CNTN5: variants seen among roughly 807,000 people sequenced by gnomAD.
CNTN5 encodes the protein contactin 5.
In CNTN5, 77 loss-of-function variants were observed where a neutral mutation model predicts 129.1. That is an observed-to-expected ratio of 0.60 (90% confidence interval 0.50 to 0.72). The LOEUF (loss-of-function observed/expected upper bound fraction) is 0.72, where lower values mean the gene tolerates loss of function less well. CNTN5 is among the 30% of genes least tolerant of loss of function. The probability of loss-of-function intolerance (pLI) is 0.00; values close to 1 mark genes in which losing one functional copy is unlikely to be tolerated. For synonymous variants in CNTN5, 509 were observed against 465.6 expected, an observed-to-expected ratio of 1.09 and a Z score of -1.20; for missense variants, 1,478 against 1,328.8, an observed-to-expected ratio of 1.11 and a Z score of -1.75.
intron 3 of CNTN5, among the ~76,000 whole-genome samples, chr11:99,789,434 A>G (rs921202995): frequency 5.9e-5 from 9 of 151,980 alleles, no homozygotes; most frequent in African/African-American, 2.2e-4. Flanking sequence ...TTTGGAGATA[A>G]TTTTTCATGT....
intron 4 of CNTN5, among the ~76,000 whole-genome samples, chr11:99,839,852 T>G (rs892547016): frequency 1.3e-5 from 2 of 151,592 alleles, no homozygotes; most frequent in Admixed American, 6.6e-5. Context: ...CATTACACAG[T>G]TTATGGAGAG....
At chr11:100,240,388 A>G (rs1009168404) in intron 16 of CNTN5, among the ~76,000 whole-genome samples, 2 of 152,180 alleles carry the variant, frequency 1.3e-5, no homozygotes, top group Non-Finnish European at 1.5e-5. Flanking sequence ...CTGAACTCCA[A>G]TGGCACACTG....
At chr11:99,925,770 C>G (rs1380172553) in intron 7 of CNTN5, among the ~76,000 whole-genome samples, 1 of 151,786 alleles carries the variant, frequency 6.6e-6, no homozygotes, top group African/African-American at 2.4e-5. Flanking sequence ...TAGTTTAAGA[C>G]AGGCAGACAG....
intron 2 of CNTN5, among the ~76,000 whole-genome samples, chr11:99,526,214 G>A (rs908260415): frequency 9.9e-5 from 15 of 152,278 alleles, no homozygotes; most frequent in East Asian, 1.9e-4. Flanking sequence ...AGGAAATGAC[G>A]TGGTAGAAGA....
chr11:100,136,430 G>A (rs1481151421), intron 13 of CNTN5, among the ~76,000 whole-genome samples: 1 of 151,878 alleles, frequency 6.6e-6, no homozygotes, highest in African/African-American at 2.4e-5. Context: ...TTTAGTTTGA[G>A]GAATTAAAAT....
chr11:99,422,547 T>C (rs899322724), intron 2 of CNTN5, among the ~76,000 whole-genome samples: 9 of 144,160 alleles, frequency 6.2e-5, no homozygotes, highest in African/African-American at 2.0e-4. Flanking sequence ...TATATATATA[T>C]ATATATATAT....
intron 1 of CNTN5, among the ~76,000 whole-genome samples, chr11:99,131,272 T>G (rs1389009886): frequency 2.0e-5 from 1 of 50,256 alleles, no homozygotes; most frequent in African/African-American, 8.3e-5. Flanking sequence ...AAAGAAAAAT[T>G]TATAGCACTA....
intron 15 of CNTN5, among the ~76,000 whole-genome samples, chr11:100,197,106 C>T (rs1450783942): frequency 6.6e-6 from 1 of 151,876 alleles, no homozygotes; most frequent in Non-Finnish European, 1.5e-5. Context: ...AGGATTTCAG[C>T]AGGTGCATAG....
At chr11:99,484,688 T>C (rs1702385027) in intron 2 of CNTN5, among the ~76,000 whole-genome samples, 1 of 151,834 alleles carries the variant, frequency 6.6e-6, no homozygotes, top group Admixed American at 6.6e-5. Context: ...TATTACACCA[T>C]AGAATACTAG....
rs1202362790 is a variant in CNTN5, at chr11:100,163,169, A to G, written c.1581-27957A>G. On this transcript the variant is annotated intron_variant, in intron 13 of 24. Coordinates refer to ENST00000524871, the MANE Select transcript of CNTN5 (RefSeq NM_014361.4). ...AAATTGATATTTAGCTTATTTAGAC[A>G]TGACCTTTGTTAACATTCATTTGGA... Among the ~76,000 whole-genome samples, 7 of 151,954 alleles carry G rather than the reference A, an allele frequency of 4.6e-5. No homozygotes were observed. The South Asian group carries it at 1.0e-3, about 22-fold the overall frequency.
chr11:99,618,014 A>C (rs939674888), intron 3 of CNTN5, among the ~76,000 whole-genome samples: 20 of 152,286 alleles, frequency 1.3e-4, no homozygotes, highest in Admixed American at 2.6e-4. Context: ...ACTTTAATGA[A>C]GGAGTGGAGT....
In CNTN5 at chr11:99,376,547, T is replaced by C. The variant is rs77222725; in HGVS notation, c.-71+51063T>C. Among the ~76,000 whole-genome samples the C allele has an allele frequency of 1.6e-3, 246 of 152,310 alleles. 3 individuals carry two copies. The highest frequency in any genetic ancestry group is 5.5e-3 in the African/African-American group (229 of 41,576). ...ACTTTTGAAAGCAAGTTATCTCAGA[T>C]GTCTAACAATGACAAAGTCTAGTCA... is the stretch of plus-strand genomic sequence containing the variant. On this transcript the variant is annotated intron_variant, in intron 2 of 24. Transcript: ENST00000524871.
At chr11:99,669,474 ATATGTG>A (rs1565409023) in intron 3 of CNTN5, among the ~76,000 whole-genome samples, 9 of 24,030 alleles carry the variant, frequency 3.7e-4, no homozygotes, top group Non-Finnish European at 9.1e-4. Flanking sequence ...GTGTGTGTGT[ATATGTG>A]TATACATATA....
At chr11:99,298,598 T>C (rs1022068506) in intron 1 of CNTN5, among the ~76,000 whole-genome samples, 2 of 152,170 alleles carry the variant, frequency 1.3e-5, no homozygotes, top group African/African-American at 2.4e-5. Flanking sequence ...TTTTAACAGA[T>C]GGAAGAATCT....
At chr11:100,031,377 G>A (rs1218779337) in intron 9 of CNTN5, among the ~76,000 whole-genome samples, 1 of 152,122 alleles carries the variant, frequency 6.6e-6, no homozygotes, top group Non-Finnish European at 1.5e-5. Flanking sequence ...AGTCAGGGAG[G>A]TTTCACATCA....
intron 1 of CNTN5, among the ~76,000 whole-genome samples, chr11:99,306,934 A>G (rs1013128863): frequency 2.0e-5 from 3 of 152,148 alleles, no homozygotes; most frequent in African/African-American, 7.2e-5. Flanking sequence ...ATTTATTTGT[A>G]TTAAGGCAAA....
intron 6 of CNTN5, among the ~76,000 whole-genome samples, chr11:99,886,224 ACT>A (rs1487719063): frequency 6.6e-5 from 10 of 152,150 alleles, no homozygotes; most frequent in East Asian, 3.9e-4. Context: ...CATATTAATA[ACT>A]CTTATTTAAA....
intron 17 of CNTN5, among the ~76,000 whole-genome samples, chr11:100,257,149 T>C (rs1950088950): frequency 6.6e-6 from 1 of 151,998 alleles, no homozygotes; most frequent in South Asian, 2.1e-4. Flanking sequence ...TTTACCCTTA[T>C]AGTGTAAACA....
At chr11:99,895,013 A>G (rs1465779420) in intron 6 of CNTN5, among the ~76,000 whole-genome samples, 1 of 152,198 alleles carries the variant, frequency 6.6e-6, no homozygotes, top group Non-Finnish European at 1.5e-5. Flanking sequence ...CTATAAATAT[A>G]TAAGGCAGAA....
Sources: allele counts gnomAD v4.1 joint callset (sites outside exome capture counted in the v4.1 genomes callset), GRCh38; gene constraint gnomAD v4.1.1; transcripts MANE v1.5; gene names NCBI Gene and HGNC (gene_info 2026-07-23, HGNC 2026-07-21).